Variants in DYNC2H1 observed in about 807,000 individuals in gnomAD.
DYNC2H1 encodes the protein cytoplasmic dynein 2 heavy chain 1.
DYNC2H1 carries 410 observed loss-of-function variants against 570.0 expected under a neutral mutation model. That is an observed-to-expected ratio of 0.72 (90% confidence interval 0.66 to 0.78). The LOEUF (loss-of-function observed/expected upper bound fraction) is 0.78. DYNC2H1 is among the 30% of genes least tolerant of loss of function. The pLI, the probability that DYNC2H1 is intolerant of heterozygous loss-of-function variation, is 0.00. For synonymous variants in DYNC2H1, 1,688 were observed against 1,677.6 expected (o/e 1.01, Z -0.15); for missense variants, 4,865 against 5,046.4 (o/e 0.96, Z 1.09).
chr11:103,109,684 T>C lies in DYNC2H1; in HGVS notation c.110T>C (p.Leu37Pro), dbSNP rs756232253. 4 of 1,614,014 alleles carry C rather than the reference T, an allele frequency of 2.5e-6. No homozygotes were observed. Among genetic ancestry groups the C allele is most frequent in the South Asian group, 1.1e-5 (1 of 91,072 alleles). ...GATCAGCCACTGTTGTGCAACTGTC[T>C]TGAAATCAACAACTTCTTGGATGAC... ...LWDQPLLCNC[L>P]EINNFLDDGN... Residue 37 changes from leucine (L) to proline (P), a missense_variant, in exon 1 of 89, where the codon CTT becomes CCT. Around this residue, in one of 5 missense-constraint regions of DYNC2H1, gnomAD observed 1,936 missense variants for 1,962.1 expected, o/e 0.99. Transcript: ENST00000375735.
intron 6 of DYNC2H1, among the ~76,000 whole-genome samples, chr11:103,118,772 T>G (rs1565313299): frequency 6.6e-6 from 1 of 152,220 alleles, no homozygotes; most frequent in Non-Finnish European, 1.5e-5. Flanking sequence ...ATTTAAAAGT[T>G]TCCCCTTTTT....
chr11:103,467,730 G>A (rs1945238758), intron 87 of DYNC2H1, among the ~76,000 whole-genome samples: 1 of 152,002 alleles, frequency 6.6e-6, no homozygotes, highest in Non-Finnish European at 1.5e-5. Flanking sequence ...GTACAGATGG[G>A]GTTTCACCAT....
chr11:103,147,486 C>A (rs958167688), intron 18 of DYNC2H1, among the ~76,000 whole-genome samples: 4 of 151,992 alleles, frequency 2.6e-5, no homozygotes, highest in African/African-American at 9.7e-5. Context: ...TAAATATATT[C>A]TTTTGACACT....
rs752317640 is a variant in DYNC2H1 at position 103,135,715 on chromosome 11, T to G, written c.2346-5T>G. 6.2e-7 allele frequency: 1 copy of G among 1,607,136 alleles called. No individual in the cohort carries two copies. The highest frequency in any genetic ancestry group is 8.5e-7 in the Non-Finnish European group (1 of 1,176,166). On this transcript the variant is annotated splice_region_variant and splice_polypyrimidine_tract_variant and intron_variant, in intron 16 of 88. Coordinates refer to ENST00000375735, the MANE Select transcript of DYNC2H1 (RefSeq NM_001377.3). The stretch of plus-strand genomic sequence containing the variant: ...TATGTTTTAAAGTTATTTATTTACT[T>G]TTAGACAGGGACGATTACAATTCAG...
At chr11:103,376,513 A>C (rs1477377714) in intron 83 of DYNC2H1, among the ~76,000 whole-genome samples, 1 of 152,324 alleles carries the variant, frequency 6.6e-6, no homozygotes, top group East Asian at 1.9e-4. Context: ...GCTAACATAA[A>C]GAATCCTGTA....
At chr11:103,190,667 A>G (rs1862264685) in intron 45 of DYNC2H1, among the ~76,000 whole-genome samples, 1 of 152,306 alleles carries the variant, frequency 6.6e-6, no homozygotes, top group Non-Finnish European at 1.5e-5. Context: ...TAAGTTTAAA[A>G]GCAAGAAATT....
rs1212648296 is a variant in DYNC2H1 at position 103,174,067 on chromosome 11, A to C, written c.5571A>C (p.Thr1857=). Residue 1857 remains threonine, a synonymous_variant, in exon 36 of 89, where the codon ACA becomes ACC. Coordinates refer to ENST00000375735, the MANE Select transcript of DYNC2H1 (RefSeq NM_001377.3). ...AIFNLSRELL[T]PQQHYDWGLR... ...GTCTCTATTTCAGGGAACTTTTGAC[A>C]CCTCAGCAACATTATGATTGGGGTT... The C allele has an allele frequency of 6.3e-7, 1 of 1,583,766 alleles. No individual in the cohort carries two copies.
chr11:103,322,558 A>G (rs1203492151), intron 81 of DYNC2H1, among the ~76,000 whole-genome samples: 1 of 152,110 alleles, frequency 6.6e-6, no homozygotes, highest in Non-Finnish European at 1.5e-5. Flanking sequence ...TATAAATTAT[A>G]TCACGTGGTA....
In DYNC2H1 at chr11:103,249,838, C is replaced by G. The variant is rs1864761972; in HGVS notation, c.10043-3447C>G. Among the ~76,000 whole-genome samples, 1 of 152,034 alleles carries G rather than the reference C, an allele frequency of 6.6e-6. No individual in the cohort carries two copies. Among genetic ancestry groups the G allele is most frequent in the African/African-American group, 2.4e-5 (1 of 41,408 alleles). ...GCTTCTTTACCAATGATAGTTTAGTCCCACTCCATTTCTCTTACATATACA... is the reference window on the plus strand; with the variant it reads ...GCTTCTTTACCAATGATAGTTTAGTGCCACTCCATTTCTCTTACATATACA... On this transcript the variant is annotated intron_variant, in intron 65 of 88. Transcript: ENST00000375735. The surrounding 1 kb of genome is among the most constrained non-coding windows in gnomAD (Gnocchi z 4.6).
At chr11:103,213,501 G>A (rs1289481760) in intron 54 of DYNC2H1, among the ~76,000 whole-genome samples, 1 of 151,304 alleles carries the variant, frequency 6.6e-6, no homozygotes, top group Admixed American at 6.6e-5. Flanking sequence ...TATATATAAT[G>A]ATAATTTTAT....
intron 50 of DYNC2H1, among the ~76,000 whole-genome samples, chr11:103,202,659 A>C (rs572064426): frequency 6.6e-6 from 1 of 152,094 alleles, no homozygotes; most frequent in African/African-American, 2.4e-5. Context: ...GTTGAACCTA[A>C]AGAAAAGTAG....
At chr11:103,475,894 G>A (rs781569704) in intron 88 of DYNC2H1, among the ~76,000 whole-genome samples, 9 of 152,072 alleles carry the variant, frequency 5.9e-5, no homozygotes, top group Non-Finnish European at 1.2e-4. Flanking sequence ...GAATAACATC[G>A]TAAAACATTT....
intron 36 of DYNC2H1, among the ~76,000 whole-genome samples, chr11:103,174,656 C>G (rs1861721366): frequency 6.6e-6 from 1 of 152,024 alleles, no homozygotes; most frequent in Non-Finnish European, 1.5e-5. Context: ...CTTTCTAAAG[C>G]TAGTATATTA....
chr11:103,297,246 G>A (rs941121613), intron 75 of DYNC2H1, among the ~76,000 whole-genome samples: 6 of 151,834 alleles, frequency 4.0e-5, no homozygotes, highest in Admixed American at 1.3e-4. Context: ...TTTTATACTA[G>A]CATCTACTCA....
At chr11:103,293,886 G>A (rs548618712) in intron 75 of DYNC2H1, among the ~76,000 whole-genome samples, 12 of 152,004 alleles carry the variant, frequency 7.9e-5, no homozygotes, top group Non-Finnish European at 1.8e-4. Flanking sequence ...ACACCAGCCT[G>A]GCCAACATGG....
intron 83 of DYNC2H1, among the ~76,000 whole-genome samples, chr11:103,360,141 A>G (rs1940567892): frequency 6.6e-6 from 1 of 152,130 alleles, no homozygotes; most frequent in Non-Finnish European, 1.5e-5. Context: ...CAAATTATAG[A>G]ATATGTTGCT....
In DYNC2H1 at chr11:103,455,213, G is replaced by C; in HGVS notation, c.12484G>C (p.Ala4162Pro). The change falls in exon 86 of 89, where the codon GCT (alanine) becomes CCT (proline). Residue 4162 changes from alanine (A) to proline (P), a missense_variant. This residue lies in a region of DYNC2H1 where 2,401 missense variants were observed against 2,454.6 expected (regional missense o/e 0.98). Transcript: ENST00000375735. ...CTGGGTAGATAAAGCTGAAAAACAG[G>C]CTCTTCTCTCTGAAACACTTGACCT... ...QNWVDKAEKQ[A>P]LLSETLDLSE... 1 of 1,613,122 alleles carries C rather than the reference G, an allele frequency of 6.2e-7. No homozygotes were observed. The highest frequency in any genetic ancestry group is 8.5e-7 in the Non-Finnish European group (1 of 1,179,412).
intron 60 of DYNC2H1, among the ~76,000 whole-genome samples, chr11:103,231,749 A>G (rs1329345034): frequency 6.6e-6 from 1 of 152,056 alleles, no homozygotes; most frequent in Non-Finnish European, 1.5e-5. Flanking sequence ...TGTTGAAGTG[A>G]TGTATCATAC....
At chr11:103,348,038 A>C (rs1939842182) in intron 82 of DYNC2H1, among the ~76,000 whole-genome samples, 1 of 152,192 alleles carries the variant, frequency 6.6e-6, no homozygotes, top group Non-Finnish European at 1.5e-5. Context: ...ACTAAGAGGT[A>C]ATTTTCGAGG....
Sources: gnomAD v4.1 joint callset for allele counts (sites outside exome capture counted in the v4.1 genomes callset) on GRCh38, gnomAD v4.1.1 for gene constraint, gnomAD v4.1.1 regional missense constraint, Gnocchi (gnomAD v3.1) non-coding constraint, MANE v1.5 for transcripts, NCBI Gene and HGNC (gene_info 2026-07-23, HGNC 2026-07-21) for gene names.